The following AP3M2 variants were observed in gnomAD, a reference collection of about 807,000 sequenced individuals.
The protein encoded by AP3M2 is AP-3 complex subunit mu-2.
A neutral mutation model predicts 41.6 loss-of-function variants in AP3M2; 28 were observed. The ratio of observed to expected loss-of-function variants is 0.67; its 90% CI spans 0.50 to 0.92. The LOEUF (loss-of-function observed/expected upper bound fraction) is 0.92, where lower values mean the gene tolerates loss of function less well. Ranked by LOEUF, AP3M2 falls within the 40% of genes least tolerant of loss-of-function variation. The pLI is 0.00. For missense variants in AP3M2, 427 were observed against 521.4 expected (o/e 0.82, Z 1.76); for synonymous variants, 193 against 186.4 (o/e 1.04, Z -0.29).
intron 4 of AP3M2, among the ~76,000 whole-genome samples, chr8:42,163,920 C>T (rs1804573745): frequency 6.6e-6 from 1 of 152,128 alleles, no homozygotes; most frequent in African/African-American, 2.4e-5. Context: ...AGAACCTTGC[C>T]TGCCAGTTTA....
intron 8 of AP3M2, among the ~76,000 whole-genome samples, chr8:42,168,540 G>C (rs906144863): frequency 6.6e-6 from 1 of 151,972 alleles, no homozygotes; most frequent in Non-Finnish European, 1.5e-5. Flanking sequence ...AAATATTCTT[G>C]GCTTAGTCTA....
Position 42,169,952 on chromosome 8 carries a change from A to T in AP3M2, c.*891A>T, listed in dbSNP as rs1359039777. ...TCCTGTTACCTGATCCTTCTACAGG[A>T]TTTTTAAAAAGTAAGAGAGTTTCAG... On this transcript the variant is annotated 3_prime_UTR_variant, in exon 9 of 9. Transcript: ENST00000396926. The T allele has an allele frequency of 1.3e-5, 2 of 152,170 alleles. No homozygotes were observed. Among genetic ancestry groups the T allele is most frequent in the Non-Finnish European group, 2.9e-5 (2 of 68,038 alleles). 9.4% of individuals were successfully genotyped at this position (152,170 alleles called of 1,614,324 possible). A position where few individuals can be genotyped will look rare whatever the true frequency, so the allele number is the denominator to read the frequency against.
At position 42,158,128 on chromosome 8, in the gene AP3M2, A is replaced by T. The variant is rs777218689; in HGVS notation, c.445+16A>T. The T allele has an allele frequency of 6.2e-7, 1 of 1,609,292 alleles. No individual in the cohort carries two copies. The highest frequency in any genetic ancestry group is 1.1e-5 in the South Asian group (1 of 90,902). ...ACCATCACAGGTACGGCAGAGGGGG[A>T]AACTGATAGATAGTGGCCATCCTAC... On this transcript the variant is annotated intron_variant, in intron 3 of 8. Transcript: ENST00000396926.
intron 6 of AP3M2, 27 bp downstream of exon 6, chr8:42,165,587 G>T: frequency 6.2e-7 from 1 of 1,613,244 alleles, no homozygotes; most frequent in Non-Finnish European, 8.5e-7. Flanking sequence ...ATTAAGAATG[G>T]AATCCGTGTA....
intron 8 of AP3M2, chr8:42,168,144 G>A (rs1804691332): frequency 2.0e-6 from 1 of 497,746 alleles, no homozygotes; most frequent in Middle Eastern, 3.1e-4. Flanking sequence ...GAATCCATGT[G>A]CATTCTCAGC....
chr8:42,157,901 A>G, intron 2 of AP3M2, 40 bp from the exon 3 acceptor site: 2 of 1,539,472 alleles, frequency 1.3e-6, no homozygotes, highest in Non-Finnish European at 1.8e-6. Context: ...TTTATTTTAC[A>G]GTATCTGAGT....
At chr8:42,167,574 C>A in intron 7 of AP3M2, 92 bp from the exon 8 acceptor site, 1 of 1,476,254 alleles carries the variant, frequency 6.8e-7, no homozygotes. Flanking sequence ...TGGACAGGTG[C>A]CCTGAGTTTA....
intron 7 of AP3M2, 125 bp from the exon 8 acceptor site, chr8:42,167,541 C>A: frequency 7.2e-7 from 1 of 1,385,756 alleles, no homozygotes; most frequent in Non-Finnish European, 9.9e-7. Context: ...TGGAAAGATA[C>A]CCAGAGGCAG....
chr8:42,158,797 C>CTT (rs749431364), intron 3 of AP3M2, among the ~76,000 whole-genome samples: 2 of 141,706 alleles, frequency 1.4e-5, no homozygotes, highest in Admixed American at 7.0e-5. Context: ...CTACATGGTT[C>CTT]TTTTTTTTTT....
At chr8:42,166,908 ATAG>A (rs1448025553) in intron 6 of AP3M2, 2 of 479,590 alleles carry the variant, frequency 4.2e-6, no homozygotes, top group African/African-American at 3.9e-5. Flanking sequence ...TGCCTTTGTC[ATAG>A]TAGTGTACTT....
At chr8:42,162,236 T>C in intron 3 of AP3M2, 45 bp from the exon 4 acceptor site, 2 of 1,561,422 alleles carry the variant, frequency 1.3e-6, no homozygotes, top group Non-Finnish European at 8.7e-7. Flanking sequence ...CTGTGGTTTC[T>C]AGAGTCAAAA....
At chr8:42,164,978 G>A in intron 4 of AP3M2, 93 bp from the exon 5 acceptor site, 1 of 1,060,538 alleles carries the variant, frequency 9.4e-7, no homozygotes, top group Non-Finnish European at 1.4e-6. Flanking sequence ...AGGTGAGGGA[G>A]AGAGGAAGAG....
intron 8 of AP3M2, 150 bp downstream of exon 8, chr8:42,167,960 C>A: frequency 8.9e-7 from 1 of 1,122,892 alleles, no homozygotes; most frequent in Non-Finnish European, 1.3e-6. Context: ...TCTTTTCTGG[C>A]ATGTTTCTGG....
At chr8:42,154,563 T>C (rs573292035) in intron 1 of AP3M2, 53 bp from the exon 2 acceptor site, 262 of 1,395,964 alleles carry the variant, frequency 1.9e-4, no homozygotes, top group Non-Finnish European at 2.3e-4. Context: ...TGGGAAAAGA[T>C]GGGGAGGGCC....
chr8:42,164,788 C>T (rs895460034), intron 4 of AP3M2, among the ~76,000 whole-genome samples: 3 of 152,224 alleles, frequency 2.0e-5, no homozygotes, highest in African/African-American at 7.2e-5. Flanking sequence ...ACTGACAACT[C>T]CTTTAGGCTA....
intron 2 of AP3M2, chr8:42,156,109 C>A: frequency 2.3e-6 from 1 of 443,200 alleles, no homozygotes; most frequent in Non-Finnish European, 4.5e-6. Context: ...CAACTTTTAA[C>A]TGGGCCTTGT....
chr8:42,163,531 G>A (rs1804564876), intron 4 of AP3M2, among the ~76,000 whole-genome samples: 1 of 152,158 alleles, frequency 6.6e-6, no homozygotes, highest in African/African-American at 2.4e-5. Flanking sequence ...AGAGAGGTGG[G>A]GGTGTTTATG....
In AP3M2 at chr8:42,161,619, T is replaced by C. The variant is rs948203863; in HGVS notation, c.446-662T>C. ...GCGAGACTCTATCTAAAAAAAATTT[T>C]GTTTAAAGACAGAAAATAAAAGGAT... On this transcript the variant is annotated intron_variant, in intron 3 of 8. Transcript: ENST00000396926. 2.6e-5 allele frequency among the ~76,000 whole-genome samples: 4 copies of C among 152,246 alleles called. No individual in the cohort carries two copies. The East Asian group carries it at 7.7e-4, about 29-fold the overall frequency.
At chr8:42,155,049 T>A in intron 2 of AP3M2, 89 bp downstream of exon 2, 9 of 1,140,128 alleles carry the variant, frequency 7.9e-6, no homozygotes, top group African/African-American at 3.1e-5. Context: ...ATTAAGAAAC[T>A]TAAAAAAAAA....
Sources: gnomAD v4.1 joint callset for allele counts (sites outside exome capture counted in the v4.1 genomes callset) on GRCh38, gnomAD v4.1.1 for gene constraint, MANE v1.5 for transcripts, NCBI Gene and HGNC (gene_info 2026-07-23, HGNC 2026-07-21) for gene names.